The following CDH9 variants were observed in gnomAD, a reference collection of about 807,000 sequenced individuals.
The protein encoded by CDH9 is cadherin 9.
CDH9 carries 28 observed loss-of-function variants against 70.9 expected under a neutral mutation model. The observed-to-expected ratio is 0.40, with a 90% CI of 0.29 to 0.54. CDH9 has a LOEUF of 0.54. CDH9 is among the 20% of genes least tolerant of loss of function. The probability of loss-of-function intolerance (pLI) is 0.59; values close to 1 mark genes in which losing one functional copy is unlikely to be tolerated. For missense variants in CDH9, 874 were observed against 984.4 expected (o/e 0.89, Z 1.50); for synonymous variants, 409 against 343.1 (o/e 1.19, Z -2.12).
chr5:26,963,536 T>C (rs1296491903), intron 2 of CDH9, among the ~76,000 whole-genome samples: 1 of 152,080 alleles, frequency 6.6e-6, no homozygotes, highest in Non-Finnish European at 1.5e-5. Context: ...TAGCACCAAA[T>C]GAATACATAA....
intron 2 of CDH9, among the ~76,000 whole-genome samples, chr5:26,952,652 AAAAG>A (rs1554000027): frequency 7.1e-6 from 1 of 141,352 alleles, no homozygotes; most frequent in African/African-American, 2.6e-5. Flanking sequence ...AAAAAAAAAA[AAAAG>A]AAAGAAAAAA....
At chr5:26,992,616 T>C (rs1317518161) in intron 1 of CDH9, among the ~76,000 whole-genome samples, 2 of 152,178 alleles carry the variant, frequency 1.3e-5, no homozygotes, top group African/African-American at 4.8e-5. Context: ...GGGTTGCTAC[T>C]ATAACAAATA....
chr5:27,019,285 T>G (rs1743096759), intron 1 of CDH9, among the ~76,000 whole-genome samples: 1 of 152,060 alleles, frequency 6.6e-6, no homozygotes, highest in Non-Finnish European at 1.5e-5. Context: ...ATTAATAAAG[T>G]TGATGTCATA....
chr5:27,026,481 T>G (rs1743223488), intron 1 of CDH9, among the ~76,000 whole-genome samples: 1 of 151,966 alleles, frequency 6.6e-6, no homozygotes, highest in Non-Finnish European at 1.5e-5. Context: ...AAGCTCTACT[T>G]ACCTCTCCAA....
intron 7 of CDH9, among the ~76,000 whole-genome samples, chr5:26,896,898 A>T (rs1021700640): frequency 6.6e-6 from 1 of 151,958 alleles, no homozygotes; most frequent in African/African-American, 2.4e-5. Flanking sequence ...TTTTGAAAAG[A>T]TTAAGAAATA....
intron 2 of CDH9, among the ~76,000 whole-genome samples, chr5:26,961,026 C>T (rs6871019): frequency 0.7 from 106,817 of 151,586 alleles, 41,123 homozygotes; most frequent in East Asian, 0.99. Context: ...AGAGTCCTTC[C>T]TCTCTTCTTG....
chr5:26,934,893 T>C (rs76103334), intron 2 of CDH9, among the ~76,000 whole-genome samples: 1,952 of 149,148 alleles, frequency 0.013, 22 homozygotes, highest in Non-Finnish European at 0.018. Flanking sequence ...ATCTTAACCA[T>C]AGGAAGCCAT....
chr5:26,981,878 T>A (rs1250791422), intron 2 of CDH9, among the ~76,000 whole-genome samples: 1 of 151,364 alleles, frequency 6.6e-6, no homozygotes, highest in South Asian at 2.1e-4. Flanking sequence ...TTAGGTTTTT[T>A]AAAATGATTT....
chr5:26,922,594 G>A (rs1741264212), intron 2 of CDH9, among the ~76,000 whole-genome samples: 1 of 151,962 alleles, frequency 6.6e-6, no homozygotes, highest in African/African-American at 2.4e-5. Context: ...AATGCTAAAG[G>A]GAGTTCCTTA....
chr5:26,988,925 A>T lies in CDH9; in HGVS notation c.-49-543T>A, dbSNP rs540531558. ...AAATTATATGGTACCAAATATACTTAGGATTGTGTCTTGCAATACTTAGCA... is the reference window on the plus strand; with the variant it reads ...AAATTATATGGTACCAAATATACTTTGGATTGTGTCTTGCAATACTTAGCA... On this transcript the variant is annotated intron_variant, in intron 1 of 11. Transcript: ENST00000231021. Among the ~76,000 whole-genome samples the T allele has an allele frequency of 8.6e-4, 131 of 152,128 alleles. 3 individuals carry two copies. The South Asian group carries it at 0.027, about 31-fold the overall frequency.
At chr5:27,001,011 AT>A (rs1171401541) in intron 1 of CDH9, among the ~76,000 whole-genome samples, 1 of 152,158 alleles carries the variant, frequency 6.6e-6, no homozygotes, top group African/African-American at 2.4e-5. Context: ...CAGTGACACC[AT>A]TTTGTATAAT....
chr5:26,882,054 C>G (rs931164248), intron 11 of CDH9, among the ~76,000 whole-genome samples: 1 of 151,942 alleles, frequency 6.6e-6, no homozygotes, highest in East Asian at 1.9e-4. Flanking sequence ...CAAAACATTA[C>G]TCATATATAG....
At chr5:26,935,177 A>C (rs1741537986) in intron 2 of CDH9, among the ~76,000 whole-genome samples, 1 of 152,140 alleles carries the variant, frequency 6.6e-6, no homozygotes, top group African/African-American at 2.4e-5. Context: ...ACAGTTTCCA[A>C]AAGATATTCA....
At chr5:26,923,069 T>TAAAAAAAAAAAAAA (rs56883597) in intron 2 of CDH9, among the ~76,000 whole-genome samples, 8 of 95,054 alleles carry the variant, frequency 8.4e-5, no homozygotes, top group Admixed American at 1.1e-4. Context: ...TTACATGAAT[T>TAAAAAAAAAAAAAA]AAAAAAAAAA....
chr5:26,915,594 A>G, intron 3 of CDH9, 36 bp downstream of exon 3: 1 of 1,237,726 alleles, frequency 8.1e-7, no homozygotes, highest in Non-Finnish European at 1.2e-6. Flanking sequence ...AAACAAACAA[A>G]TAAAAAGTAG....
intron 1 of CDH9, among the ~76,000 whole-genome samples, chr5:26,995,955 A>G (rs1227700522): frequency 6.6e-6 from 1 of 152,006 alleles, no homozygotes. Context: ...TCTCTTAATT[A>G]TATTCCAATT....
intron 1 of CDH9, among the ~76,000 whole-genome samples, chr5:27,036,512 A>G (rs2112141505): frequency 6.6e-6 from 1 of 152,080 alleles, no homozygotes; most frequent in East Asian, 1.9e-4. Flanking sequence ...CATTTCAAAT[A>G]TTTTAAAACT....
intron 2 of CDH9, among the ~76,000 whole-genome samples, chr5:26,972,078 T>C (rs1279028759): frequency 2.6e-5 from 4 of 152,184 alleles, no homozygotes; most frequent in African/African-American, 9.6e-5. Context: ...TTCGAGCATT[T>C]TCCCTATGCA....
chr5:26,968,877 A>G (rs771007132), intron 2 of CDH9, among the ~76,000 whole-genome samples: 2 of 152,220 alleles, frequency 1.3e-5, no homozygotes, highest in Non-Finnish European at 2.9e-5. Context: ...CTAAACATGT[A>G]TATAATGCAA....
Sources: allele counts gnomAD v4.1 joint callset (sites outside exome capture counted in the v4.1 genomes callset), GRCh38; gene constraint gnomAD v4.1.1; transcripts MANE v1.5; gene names NCBI Gene and HGNC (gene_info 2026-07-23, HGNC 2026-07-21).